Variants in IGSF9B observed in about 807,000 individuals in gnomAD.
IGSF9B encodes the protein protein turtle homolog B.
A neutral mutation model predicts 143.7 loss-of-function variants in IGSF9B; 48 were observed. That is an observed-to-expected ratio of 0.33 (90% CI 0.26 to 0.42). The LOEUF (loss-of-function observed/expected upper bound fraction) is 0.42. Ranked by LOEUF, IGSF9B falls within the 20% of genes least tolerant of loss-of-function variation. The pLI is 1.00. For missense variants in IGSF9B, 1,706 were observed against 1,980.0 expected (o/e 0.86, Z 2.63); for synonymous variants, 903 against 833.1 (o/e 1.08, Z -1.44).
chr11:133,944,398 G>C (rs1201474960), intron 2 of IGSF9B, 32 bp from the exon 3 acceptor site: 31 of 1,610,344 alleles, frequency 1.9e-5, no homozygotes, highest in Non-Finnish European at 2.5e-5. Context: ...AAGCCCCACA[G>C]GCCATCAGGT....
rs932706290 is a variant in IGSF9B at position 133,931,880 on chromosome 11, G to C, written c.1111-85C>G. The C allele has an allele frequency of 1.3e-6, 2 of 1,566,900 alleles. No homozygotes were observed. The highest frequency in any genetic ancestry group is 1.7e-6 in the Non-Finnish European group (2 of 1,157,844). On this transcript the variant is annotated intron_variant, in intron 8 of 19. Coordinates refer to ENST00000533871, the MANE Select transcript of IGSF9B (RefSeq NM_001277285.4). The surrounding 1 kb of genome is among the most constrained non-coding windows in gnomAD (Gnocchi z 7.7). ...GGCTGGGTCCCAGCTGGGCCAGGCAGCACGCAGGATAGTACAGGAGCTCCA... is the reference window on the plus strand; with the variant it reads ...GGCTGGGTCCCAGCTGGGCCAGGCACCACGCAGGATAGTACAGGAGCTCCA...
At chr11:133,914,757 C>T (rs1939351591) in intron 18 of IGSF9B, among the ~76,000 whole-genome samples, 2 of 152,314 alleles carry the variant, frequency 1.3e-5, no homozygotes, top group Admixed American at 6.5e-5. Flanking sequence ...GGAAGCAGGG[C>T]AGGCAAAATG....
chr11:133,951,201 G>A (rs902772780), intron 1 of IGSF9B, among the ~76,000 whole-genome samples: 36 of 152,164 alleles, frequency 2.4e-4, no homozygotes, highest in Admixed American at 2.0e-3. Context: ...GGTCCAAAAC[G>A]CCGACGGTGT....
At chr11:133,930,927 G>A (rs906105060) in intron 11 of IGSF9B, 57 bp downstream of exon 11, 51 of 1,510,592 alleles carry the variant, frequency 3.4e-5, no homozygotes, top group African/African-American at 8.2e-5. Context: ...CCAGCACCCC[G>A]CCCCCAGCCA....
rs776324449 is a variant in IGSF9B, at chr11:133,946,043, C to A, written c.262+18G>T. On this transcript the variant is annotated intron_variant, in intron 2 of 19. Coordinates refer to ENST00000533871, the MANE Select transcript of IGSF9B (RefSeq NM_001277285.4). ...TCCAGCTGGGGAAGGTGCGGGAGAC[C>A]GGGTGCCCAGACCTTACCTGCATAC... 2 of 1,515,510 alleles carry A rather than the reference C, an allele frequency of 1.3e-6. No homozygotes were observed. The highest frequency in any genetic ancestry group is 1.8e-6 in the Non-Finnish European group (2 of 1,124,026). The allele number at this position is 1,515,510 out of a possible 1,614,324, so 93.9% of individuals were successfully genotyped here.
In IGSF9B at chr11:133,922,675, C is replaced by T. The variant is rs1437843269; in HGVS notation, c.2175G>A (p.Ala725=). ...TEDGLARPVL[A]GIVATICFLA... is the part of the protein sequence containing the mutation. ...AGAAGCAGATGGTAGCTACGATTCC[C>T]GCCAGCACAGGCCGCGCCAGCCCAT... Residue 725 remains alanine, a synonymous_variant, in exon 16 of 20, where the codon GCG becomes GCA. Coordinates refer to ENST00000533871, the MANE Select transcript of IGSF9B (RefSeq NM_001277285.4). 3.1e-6 allele frequency: 5 copies of T among 1,593,126 alleles called. No homozygotes were observed. Among genetic ancestry groups the T allele is most frequent in the East Asian group, 4.6e-5 (2 of 43,706 alleles).
chr11:133,947,705 T>TC (rs1940078975), intron 1 of IGSF9B, among the ~76,000 whole-genome samples: 2 of 134,528 alleles, frequency 1.5e-5, no homozygotes, highest in Non-Finnish European at 3.1e-5. Context: ...TCCTCTGTGT[T>TC]TGTTCTCTCT....
intron 1 of IGSF9B, among the ~76,000 whole-genome samples, chr11:133,946,887 C>T (rs1015383160): frequency 6.6e-6 from 1 of 152,220 alleles, no homozygotes. Flanking sequence ...CAGAGGGAAA[C>T]CCCGCAGGCT....
At chr11:133,935,591 C>T (rs764849925) in intron 7 of IGSF9B, 26 bp downstream of exon 7, 1 of 1,597,386 alleles carries the variant, frequency 6.3e-7, no homozygotes, top group African/African-American at 1.3e-5. Flanking sequence ...GCCCCACCAC[C>T]CAGGCTCCCC....
intron 12 of IGSF9B, among the ~76,000 whole-genome samples, chr11:133,927,336 A>C (rs1339313416): frequency 1.3e-5 from 2 of 152,248 alleles, no homozygotes; most frequent in Non-Finnish European, 2.9e-5. Context: ...TTTAGGTGCA[A>C]GTCGTGCTCA....
intron 1 of IGSF9B, among the ~76,000 whole-genome samples, chr11:133,950,017 A>G (rs892336289): frequency 2.0e-5 from 3 of 152,086 alleles, no homozygotes; most frequent in African/African-American, 7.2e-5. Flanking sequence ...AAGGAAAGAT[A>G]AGGCAGCCCC....
intron 1 of IGSF9B, among the ~76,000 whole-genome samples, chr11:133,954,862 C>A (rs1256275673): frequency 1.3e-5 from 2 of 152,188 alleles, no homozygotes; most frequent in Non-Finnish European, 2.9e-5. Flanking sequence ...AAGGACCCCT[C>A]TGCACCCTGA....
At chr11:133,917,801 C>T (rs1025441007) in intron 18 of IGSF9B, among the ~76,000 whole-genome samples, 59 of 152,152 alleles carry the variant, frequency 3.9e-4, no homozygotes, top group Non-Finnish European at 7.5e-4. Flanking sequence ...AGAAGGGATG[C>T]TATGCCTGGG....
At position 133,945,700 on chromosome 11, in the gene IGSF9B, G is replaced by A. The variant is rs1039058547; in HGVS notation, c.262+361C>T. ...GAAGGCGCCCCGACTTCAGAGCCAA[G>A]AGGAAAGGGGTGGGTGCGGCCAAGC... On this transcript the variant is annotated intron_variant, in intron 2 of 19. Transcript: ENST00000533871. This position sits in a 1 kb window ranked among gnomAD's most constrained non-coding sequence, Gnocchi z 4.6. 2.0e-5 allele frequency among the ~76,000 whole-genome samples: 3 copies of A among 152,288 alleles called. No homozygotes were observed. The East Asian group carries it at 5.8e-4, about 30-fold the overall frequency.
chr11:133,921,195 T>G lies in IGSF9B; in HGVS notation c.2530A>C (p.Thr844Pro), dbSNP rs756408207. ...CTGCTGATGAGCTCGATGGGCGTGG[T>G]GGCCTCTGCCTCGGCCTCTGCCTTG... is the stretch of plus-strand genomic sequence containing the variant. ...VAKAEAEAEA[T>P]TPIELISRGP... The change falls in exon 18 of 20, where the codon ACC (threonine) becomes CCC (proline). Residue 844 changes from threonine (T) to proline (P), a missense_variant. By Grantham distance (38) the Thr-to-Pro change is conservative. Coordinates refer to ENST00000533871, the MANE Select transcript of IGSF9B (RefSeq NM_001277285.4). 2 of 1,608,990 alleles carry G rather than the reference T, an allele frequency of 1.2e-6. No individual in the cohort carries two copies. The highest frequency in any genetic ancestry group is 3.3e-5 in the Admixed American group (2 of 59,948).
At position 133,945,680 on chromosome 11, in the gene IGSF9B, C is replaced by T. The variant is rs376867778; in HGVS notation, c.262+381G>A. Among the ~76,000 whole-genome samples the T allele has an allele frequency of 2.9e-3, 435 of 152,230 alleles. 2 individuals are homozygous for T. The highest frequency in any genetic ancestry group is 9.8e-3 in the African/African-American group (407 of 41,552). On this transcript the variant is annotated intron_variant, in intron 2 of 19. Coordinates refer to ENST00000533871, the MANE Select transcript of IGSF9B (RefSeq NM_001277285.4). The surrounding 1 kb of genome is among the most constrained non-coding windows in gnomAD (Gnocchi z 4.6). Reference sequence around the variant, plus strand: ...CATCCATACACTCAGGACGGGAAGGCGCCCCGACTTCAGAGCCAAGAGGAA... The same window carrying T: ...CATCCATACACTCAGGACGGGAAGGTGCCCCGACTTCAGAGCCAAGAGGAA...
rs575396187 is a variant in IGSF9B, at chr11:133,946,264, G to A, written c.65-6C>T. Reference sequence around the variant, plus strand: ...CTCTCGCAGGCCGTGGGCGCCTGATGGGGACGGCCAGGTTGGACACAGAAA... The same window carrying A: ...CTCTCGCAGGCCGTGGGCGCCTGATAGGGACGGCCAGGTTGGACACAGAAA... On this transcript the variant is annotated splice_polypyrimidine_tract_variant and splice_region_variant and intron_variant, in intron 1 of 19. Coordinates refer to ENST00000533871, the MANE Select transcript of IGSF9B (RefSeq NM_001277285.4). The A allele has an allele frequency of 2.5e-6, 4 of 1,612,118 alleles. No individual in the cohort carries two copies. In the East Asian group the frequency reaches 8.9e-5, roughly 36 times the overall value.
Position 133,932,212 on chromosome 11 carries a change from G to T in IGSF9B, c.969C>A (p.Tyr323Ter). Reference protein sequence around the residue: ...PSASAYLTVQYPARVLNMPPV... With the variant: ...PSASAYLTVQ Reference sequence around the variant, plus strand: ...GGGGCATGTTGAGGACACGCGCTGGGTCTGCATAGAGGAAGCGCAGGTGAG... The same window carrying T: ...GGGGCATGTTGAGGACACGCGCTGGTTCTGCATAGAGGAAGCGCAGGTGAG... Residue 323 changes from tyrosine (Y) to a stop codon, truncating the protein, a stop_gained and splice_region_variant, in exon 8 of 20, where the codon TAC becomes TAA. Coordinates refer to ENST00000533871, the MANE Select transcript of IGSF9B (RefSeq NM_001277285.4). LOFTEE classifies it high-confidence loss of function. The T allele has an allele frequency of 6.4e-7, 1 of 1,557,852 alleles. No homozygotes were observed. Among genetic ancestry groups the T allele is most frequent in the Non-Finnish European group, 8.7e-7 (1 of 1,150,682 alleles).
At position 133,937,459 on chromosome 11, in the gene IGSF9B, C is replaced by A. The variant is rs751480908; in HGVS notation, c.596G>T (p.Ser199Ile). The A allele has an allele frequency of 2.5e-6, 4 of 1,613,866 alleles. No individual in the cohort carries two copies. The highest frequency in any genetic ancestry group is 3.4e-6 in the Non-Finnish European group (4 of 1,179,794). Residue 199 changes from serine to isoleucine, a missense_variant, in exon 5 of 20, where the codon AGT becomes ATT. By Grantham distance (142) the Ser-to-Ile change is moderately radical. Transcript: ENST00000533871. Reference sequence around the variant, plus strand: ...GGTGTAGGCACCTCTGTCCTCCCGACTGACCGATGTCACTGTCAGGCTGCC... The same window carrying A: ...GGTGTAGGCACCTCTGTCCTCCCGAATGACCGATGTCACTGTCAGGCTGCC... ...SDGSLTVTSV[S>I]REDRGAYTCR...
Sources: gnomAD v4.1 joint callset for allele counts (sites outside exome capture counted in the v4.1 genomes callset) on GRCh38, gnomAD v4.1.1 for gene constraint, Gnocchi (gnomAD v3.1) non-coding constraint, MANE v1.5 for transcripts, NCBI Gene and HGNC (gene_info 2026-07-23, HGNC 2026-07-21) for gene names.